CPAP: variants seen among roughly 807,000 people sequenced by gnomAD.
CPAP encodes the protein centrosomal P4.1-associated protein.
the CPAP span, chr13:24,910,058 G>T: frequency 1.2e-6 from 2 of 1,613,078 alleles, no homozygotes; most frequent in Non-Finnish European, 1.7e-6. Flanking sequence ...TGTGCTTCTG[G>T]CTCTGATCAT....
At chr13:24,910,734 T>C in the CPAP span, among the ~76,000 whole-genome samples, 1 of 152,266 alleles carries the variant, frequency 6.6e-6, no homozygotes, top group Non-Finnish European at 1.5e-5. Flanking sequence ...TCTGTCATAG[T>C]GCGGTTCTAC....
chr13:24,901,276 CAAAG>C, the CPAP span, among the ~76,000 whole-genome samples: 2 of 152,098 alleles, frequency 1.3e-5, no homozygotes, highest in African/African-American at 4.8e-5. Context: ...GCAAAGATCA[CAAAG>C]AAAGTTACAA....
At chr13:24,918,299 A>T in the CPAP span, among the ~76,000 whole-genome samples, 31 of 152,346 alleles carry the variant, frequency 2.0e-4, no homozygotes, top group Non-Finnish European at 2.6e-4. Flanking sequence ...GTTTTAAAAA[A>T]TTTTAAGATA....
chr13:24,904,144 G>A, the CPAP span: 3 of 1,437,014 alleles, frequency 2.1e-6, no homozygotes, highest in Non-Finnish European at 2.9e-6. Context: ...TAAGAGCCAA[G>A]AATATGGCAA....
At chr13:24,886,565 G>A in the CPAP span, among the ~76,000 whole-genome samples, 1 of 152,160 alleles carries the variant, frequency 6.6e-6, no homozygotes, top group Non-Finnish European at 1.5e-5. Flanking sequence ...AAAAAGTACT[G>A]GGAGTACACA....
chr13:24,882,793 G>A, the CPAP span: 2 of 211,996 alleles, frequency 9.4e-6, no homozygotes, highest in Non-Finnish European at 1.9e-5. Flanking sequence ...TACTCCTTGA[G>A]TACACCTTCT....
At chr13:24,907,000 T>C in the CPAP span, 1 of 1,600,580 alleles carries the variant, frequency 6.2e-7, no homozygotes, top group South Asian at 1.1e-5. Context: ...TTTTGGTATA[T>C]CCAAGTGATC....
chr13:24,885,299 C>T, the CPAP span: 1 of 1,611,142 alleles, frequency 6.2e-7, no homozygotes, highest in Admixed American at 1.7e-5. Context: ...TGACTGATTT[C>T]TCCCTGTATG....
At chr13:24,924,678 T>A in the CPAP span, 3 of 152,238 alleles carry the variant, frequency 2.0e-5, no homozygotes, top group Non-Finnish European at 2.9e-5. Context: ...CTAACGGTTG[T>A]GGCACAGGGG....
At chr13:24,921,626 CTT>C in the CPAP span, among the ~76,000 whole-genome samples, 4 of 149,978 alleles carry the variant, frequency 2.7e-5, no homozygotes, top group East Asian at 2.0e-4. Context: ...AAAGTAATGA[CTT>C]TTTTTTTTTC....
At chr13:24,933,779 C>G in the CPAP span, among the ~76,000 whole-genome samples, 2 of 151,774 alleles carry the variant, frequency 1.3e-5, no homozygotes, top group South Asian at 4.2e-4. Context: ...GGCTGGAGTG[C>G]AGTGGTGCGA....
At chr13:24,893,024 C>T in the CPAP span, among the ~76,000 whole-genome samples, 2 of 152,126 alleles carry the variant, frequency 1.3e-5, no homozygotes, top group African/African-American at 2.4e-5. Context: ...TGGTTTTCAG[C>T]GGCGGGAGGA....
the CPAP span, among the ~76,000 whole-genome samples, chr13:24,893,604 T>G: frequency 1.3e-5 from 2 of 152,196 alleles, no homozygotes; most frequent in Non-Finnish European, 2.9e-5. Flanking sequence ...TTGGGTGACA[T>G]CAAGGTTCAC....
At chr13:24,905,459 G>C in the CPAP span, 1 of 1,614,170 alleles carries the variant, frequency 6.2e-7, no homozygotes, top group Non-Finnish European at 8.5e-7. Context: ...CGATGTAGGA[G>C]GACTTCTGCT....
the CPAP span, chr13:24,899,662 T>C: frequency 1.9e-6 from 2 of 1,071,098 alleles, no homozygotes; most frequent in East Asian, 4.8e-5. Context: ...GACAGGCTAG[T>C]AACTGCTAGT....
the CPAP span, among the ~76,000 whole-genome samples, chr13:24,887,882 C>T: frequency 6.6e-6 from 1 of 152,082 alleles, no homozygotes; most frequent in African/African-American, 2.4e-5. Flanking sequence ...AGAGTTGCTG[C>T]AAGTCTTCTG....
chr13:24,909,778 T>G, the CPAP span: 6 of 1,607,348 alleles, frequency 3.7e-6, no homozygotes, highest in South Asian at 6.6e-5. Flanking sequence ...GAGAGAAACA[T>G]AAGTAGCTCA....
the CPAP span, chr13:24,912,023 T>C: frequency 6.2e-7 from 1 of 1,614,012 alleles, no homozygotes; most frequent in Non-Finnish European, 8.5e-7. Flanking sequence ...TTGCTCCAAC[T>C]GTTGCCTCTT....
chr13:24,884,502 C>T, the CPAP span: 1 of 1,609,468 alleles, frequency 6.2e-7, no homozygotes, highest in Non-Finnish European at 8.5e-7. Flanking sequence ...AAGATTTTCT[C>T]CTGACGAAAG....
Sources: allele counts gnomAD v4.1 joint callset (sites outside exome capture counted in the v4.1 genomes callset), GRCh38; gene constraint gnomAD v4.1.1; transcripts MANE v1.5; gene names NCBI Gene and HGNC (gene_info 2026-07-23, HGNC 2026-07-21).